Variants in MOK observed in about 807,000 individuals in gnomAD.
MOK encodes the protein MAPK/MAK/MRK overlapping kinase.
MOK carries 59 observed loss-of-function variants against 54.2 expected under a neutral mutation model. The ratio of observed to expected loss-of-function variants is 1.09; its 90% CI spans 0.88 to 1.35. MOK has a LOEUF of 1.35. Ranked by LOEUF, MOK falls within the 40% of genes most tolerant of loss-of-function variation. The probability of loss-of-function intolerance (pLI) is 0.00; values close to 1 mark genes in which losing one functional copy is unlikely to be tolerated. For synonymous variants in MOK, 210 were observed against 202.7 expected, an observed-to-expected ratio of 1.04 and a Z score of -0.31; for missense variants, 517 against 526.2, an observed-to-expected ratio of 0.98 and a Z score of 0.17.
intron 8 of MOK, 136 bp downstream of exon 8, chr14:102,233,552 A>G: frequency 1.5e-6 from 1 of 669,338 alleles, no homozygotes; most frequent in Middle Eastern, 3.5e-4. Context: ...ACTGGCCCTC[A>G]AGTGAACTTG....
Position 102,305,054 on chromosome 14 carries a change from T to C in MOK, c.-86A>G. 1 of 1,500,224 alleles carries C rather than the reference T, an allele frequency of 6.7e-7. No individual in the cohort carries two copies. Among genetic ancestry groups the C allele is most frequent in the African/African-American group, 1.4e-5 (1 of 72,744 alleles). 92.9% of individuals were successfully genotyped at this position (1,500,224 alleles called of 1,614,324 possible). On this transcript the variant is annotated 5_prime_UTR_variant, in exon 1 of 12. Transcript: ENST00000361847. ...GAAGGTTGTCCCCCTGCTTTCCACT[T>C]CCCTGAGGCGGGGTCCCGCACTAGG...
In MOK at chr14:102,265,951, T is replaced by C. The variant is rs751323027; in HGVS notation, c.123-39A>G. ...AAAAATGGATAGCTCATTCACAGTT[T>C]AGGTCAACTTCAAAATTAGAGTTAC... On this transcript the variant is annotated intron_variant, in intron 2 of 11. Coordinates refer to ENST00000361847, the MANE Select transcript of MOK (RefSeq NM_014226.3). 4 of 1,412,818 alleles carry C rather than the reference T, an allele frequency of 2.8e-6. No individual in the cohort carries two copies. In the South Asian group the frequency reaches 4.9e-5, roughly 17 times the overall value. The allele number at this position is 1,412,818 out of a possible 1,614,324, so 87.5% of individuals were successfully genotyped here.
Position 102,229,262 on chromosome 14 carries a change from C to A in MOK, c.*27G>T. The A allele has an allele frequency of 6.4e-7, 1 of 1,562,972 alleles. No homozygotes were observed. The highest frequency in any genetic ancestry group is 8.7e-7 in the Non-Finnish European group (1 of 1,152,564). On this transcript the variant is annotated 3_prime_UTR_variant, in exon 12 of 12. Coordinates refer to ENST00000361847, the MANE Select transcript of MOK (RefSeq NM_014226.3). Reference sequence around the variant, plus strand: ...GCCCGGTCGGGCTTGGTGTTGCCTCCGAAGTCGAGACGACGGTGCTGCTCA... The same window carrying A: ...GCCCGGTCGGGCTTGGTGTTGCCTCAGAAGTCGAGACGACGGTGCTGCTCA...
At position 102,232,735 on chromosome 14, in the gene MOK, A is replaced by C; in HGVS notation, c.693-27T>G. 2 of 1,595,002 alleles carry C rather than the reference A, an allele frequency of 1.3e-6. No homozygotes were observed. Among genetic ancestry groups the C allele is most frequent in the East Asian group, 2.2e-5 (1 of 44,590 alleles). On this transcript the variant is annotated intron_variant, in intron 8 of 11. Transcript: ENST00000361847. The surrounding 1 kb of genome is among the most constrained non-coding windows in gnomAD (Gnocchi z 5.1). ...TGTATTAAAAACCCAATGATAATAAATGGTCATGCTGTCACTGAGCGCACC... is the reference window on the plus strand; with the variant it reads ...TGTATTAAAAACCCAATGATAATAACTGGTCATGCTGTCACTGAGCGCACC...
chr14:102,231,814 C>CT lies in MOK; in HGVS notation c.873dup (p.Glu292ArgfsTer25), dbSNP rs1455568364. On this transcript the variant is annotated frameshift_variant, in exon 10 of 12. Coordinates refer to ENST00000361847, the MANE Select transcript of MOK (RefSeq NM_014226.3). LOFTEE classifies it high-confidence loss of function. The surrounding 1 kb of genome is among the most constrained non-coding windows in gnomAD (Gnocchi z 4.4). ...CTGTGGCTGCCCAGAGCCCGCTTCT[C>CT]TGTTTTCCTACGGGGAAGGAGAAGA... 2 of 1,611,140 alleles carry CT rather than the reference C, an allele frequency of 1.2e-6. No homozygotes were observed. The highest frequency in any genetic ancestry group is 1.3e-5 in the African/African-American group (1 of 74,898).
At chr14:102,270,782 A>G (rs1209976027) in intron 2 of MOK, among the ~76,000 whole-genome samples, 1 of 152,204 alleles carries the variant, frequency 6.6e-6, no homozygotes, top group Non-Finnish European at 1.5e-5. Flanking sequence ...ATTAGTTGTT[A>G]TCAAAAACCT....
Position 102,252,410 on chromosome 14 carries a change from G to A in MOK, c.284-415C>T, listed in dbSNP as rs1300394868. Among the ~76,000 whole-genome samples, 4 of 151,392 alleles carry A rather than the reference G, an allele frequency of 2.6e-5. No individual in the cohort carries two copies. In the East Asian group the frequency reaches 7.7e-4, roughly 29 times the overall value. On this transcript the variant is annotated intron_variant, in intron 4 of 11. Transcript: ENST00000361847. ...GTGGAGGTTGCAGCAAGCCGAGATG[G>A]CACCATTACACTCCAGCCTGGGCAA...
In MOK at chr14:102,231,783, G is replaced by A; in HGVS notation, c.905C>T (p.Ala302Val). The A allele has an allele frequency of 6.2e-7, 1 of 1,612,778 alleles. No homozygotes were observed. Among genetic ancestry groups the A allele is most frequent in the East Asian group, 2.2e-5 (1 of 44,868 alleles). The change falls in exon 10 of 12, where the codon GCT becomes GTT. Residue 302 changes from alanine (A) to valine (V), a missense_variant. Physicochemically the swap from Ala to Val is moderately conservative, Grantham distance 64. Transcript: ENST00000361847. The surrounding 1 kb of genome is among the most constrained non-coding windows in gnomAD (Gnocchi z 4.4). ...TGCCACAGGGTGCTCCGGAAAGCCA[G>A]CTTTTCTGTGGCTGCCCAGAGCCCG... is the stretch of plus-strand genomic sequence containing the variant. ...EKRALGSHRK[A>V]GFPEHPVAPE...
intron 3 of MOK, chr14:102,264,210 CAAAAAAAA>C: frequency 1.2e-5 from 1 of 82,608 alleles, no homozygotes; most frequent in Non-Finnish European, 2.8e-5. Context: ...GACCCTGTCT[CAAAAAAAA>C]AAAAAAAAAA....
chr14:102,251,933 G>C lies in MOK; in HGVS notation c.346C>G (p.Leu116Val). The C allele has an allele frequency of 6.2e-7, 1 of 1,604,850 alleles. No homozygotes were observed. The highest frequency in any genetic ancestry group is 8.5e-7 in the Non-Finnish European group (1 of 1,172,644). ...AGAGCATACCTGTGAATATGATCCA[G>C]GGACTTACATAACTGGTACATATAG... The part of the protein sequence containing the change: ...MHYMYQLCKS[L>V]DHIHRNGIFH... The change falls in exon 5 of 12, where the codon CTG becomes GTG. Residue 116 changes from leucine to valine, a missense_variant. Transcript: ENST00000361847.
chr14:102,251,679 G>T, intron 6 of MOK, 77 bp downstream of exon 6: 2 of 1,155,952 alleles, frequency 1.7e-6, no homozygotes, highest in Non-Finnish European at 2.6e-6. Context: ...TCCTCTGGTA[G>T]GAGGAGAAAA....
At chr14:102,220,378 G>A (rs1442182451), downstream of MOK, among the ~76,000 whole-genome samples, 1 of 152,242 alleles carries the variant, frequency 6.6e-6, no homozygotes, top group East Asian at 1.9e-4. The surrounding 1 kb of genome is among the most constrained non-coding windows in gnomAD (Gnocchi z 4.2). Context: ...TACCAAAAAA[G>A]TCATTAGTAA....
At chr14:102,269,551 C>A (rs761955752) in intron 2 of MOK, among the ~76,000 whole-genome samples, 1 of 150,950 alleles carries the variant, frequency 6.6e-6, no homozygotes, top group African/African-American at 2.4e-5. Flanking sequence ...TGGCTCACTG[C>A]AATCTCCATC....
In MOK at chr14:102,297,803, C is replaced by T. The variant is rs114018950; in HGVS notation, c.7+7159G>A. Among the ~76,000 whole-genome samples, 1,073 of 152,264 alleles carry T rather than the reference C, an allele frequency of 7.0e-3. 15 individuals carry two copies. Among genetic ancestry groups the T allele is most frequent in the African/African-American group, 0.024 (1,012 of 41,560 alleles). The stretch of plus-strand genomic sequence containing the variant: ...TGCGGCCAGCTGGTGCTGCTGGCCC[C>T]GGGCAGTGACGGGTTTAGCACCCGG... On this transcript the variant is annotated intron_variant, in intron 1 of 11. Coordinates refer to ENST00000361847, the MANE Select transcript of MOK (RefSeq NM_014226.3).
intron 1 of MOK, among the ~76,000 whole-genome samples, chr14:102,293,510 C>G (rs934669388): frequency 6.6e-6 from 1 of 151,148 alleles, no homozygotes; most frequent in African/African-American, 2.4e-5. Context: ...ACCAGCATGA[C>G]CAACATGGAG....
chr14:102,272,655 CA>C (rs2068475773), intron 2 of MOK, among the ~76,000 whole-genome samples: 1 of 151,884 alleles, frequency 6.6e-6, no homozygotes, highest in Non-Finnish European at 1.5e-5. Flanking sequence ...CACCACAATA[CA>C]AGAAAAAGGA....
chr14:102,288,511 T>G (rs1376383047), intron 1 of MOK, among the ~76,000 whole-genome samples: 1 of 152,212 alleles, frequency 6.6e-6, no homozygotes, highest in Non-Finnish European at 1.5e-5. Flanking sequence ...GAAATAGATT[T>G]GTAATTGCCT....
the MOK span, among the ~76,000 whole-genome samples, chr14:102,215,389 C>T: frequency 6.6e-6 from 1 of 152,148 alleles, no homozygotes; most frequent in Non-Finnish European, 1.5e-5. Flanking sequence ...GCTGGACATC[C>T]GACATTCTGT....
chr14:102,284,828 T>C (rs1046066587), intron 1 of MOK, among the ~76,000 whole-genome samples: 1 of 152,028 alleles, frequency 6.6e-6, no homozygotes, highest in African/African-American at 2.4e-5. Context: ...CTGTAATCCC[T>C]GCACTTTAGG....
Sources: gnomAD v4.1 joint callset for allele counts (sites outside exome capture counted in the v4.1 genomes callset) on GRCh38, gnomAD v4.1.1 for gene constraint, Gnocchi (gnomAD v3.1) non-coding constraint, MANE v1.5 for transcripts, NCBI Gene and HGNC (gene_info 2026-07-23, HGNC 2026-07-21) for gene names.